ADAMTS19: variants seen among roughly 807,000 people sequenced by gnomAD.
ADAMTS19 encodes the protein A disintegrin and metalloproteinase with thrombospondin motifs 19.
In ADAMTS19, 93 loss-of-function variants were observed where a neutral mutation model predicts 153.3. The observed-to-expected ratio is 0.61, with a 90% CI of 0.51 to 0.72. The LOEUF is 0.72. Ranked by LOEUF, ADAMTS19 falls within the 30% of genes least tolerant of loss-of-function variation. The pLI is 0.00. For missense variants in ADAMTS19, 1,482 were observed against 1,552.1 expected (o/e 0.95, Z 0.76); for synonymous variants, 600 against 556.6 (o/e 1.08, Z -1.10).
rs187719397 is a variant in ADAMTS19 at position 129,600,923 on chromosome 5, G to A, written c.1478+4259G>A. On this transcript the variant is annotated intron_variant, in intron 8 of 22. Coordinates refer to ENST00000274487, the MANE Select transcript of ADAMTS19 (RefSeq NM_133638.6). ...CTCCCTCTGTAGCCCAGGCTGGAGT[G>A]CAGTGGCTCGATCTCTGCTCACTGC... Among the ~76,000 whole-genome samples, 449 of 152,146 alleles carry A rather than the reference G, an allele frequency of 3.0e-3. 8 individuals are homozygous for A. Among genetic ancestry groups the A allele is most frequent in the Middle Eastern group, 0.017 (5 of 294 alleles).
rs768067850 is a variant in ADAMTS19 at position 129,658,735 on chromosome 5, C to T, written c.2423C>T (p.Ala808Val). 3 of 1,597,894 alleles carry T rather than the reference C, an allele frequency of 1.9e-6. No homozygotes were observed. Among genetic ancestry groups the T allele is most frequent in the Middle Eastern group, 1.7e-4 (1 of 5,994 alleles). The change falls in exon 15 of 23, where the codon GCA becomes GTA. Residue 808 changes from alanine (A) to valine (V), a missense_variant and splice_region_variant. Transcript: ENST00000274487. ...IKGDFNHTRG[A>V]GYVEVLVIPA... ...GGGGATTTTAATCACACCAGAGGAG[C>T]AGGTAATTTTTCTTTATTTTTTCAT...
At chr5:129,472,059 G>A (rs1750085893) in intron 2 of ADAMTS19, among the ~76,000 whole-genome samples, 1 of 152,184 alleles carries the variant, frequency 6.6e-6, no homozygotes, top group Non-Finnish European at 1.5e-5. Context: ...ATTGCTTTGG[G>A]TATATACCCA....
intron 2 of ADAMTS19, among the ~76,000 whole-genome samples, chr5:129,483,285 A>C (rs180864393): frequency 2.5e-3 from 374 of 152,276 alleles, no homozygotes; most frequent in African/African-American, 8.1e-3. Context: ...AATCTCTCTG[A>C]GTCTCTGTTG....
At chr5:129,721,687 T>G (rs1442933406) in intron 21 of ADAMTS19, among the ~76,000 whole-genome samples, 2 of 152,162 alleles carry the variant, frequency 1.3e-5, no homozygotes, top group African/African-American at 4.8e-5. Flanking sequence ...TTGCTGTACC[T>G]TTCAACCTGT....
intron 6 of ADAMTS19, among the ~76,000 whole-genome samples, chr5:129,537,179 T>G (rs1752468708): frequency 6.6e-6 from 1 of 152,078 alleles, no homozygotes; most frequent in African/African-American, 2.4e-5. Flanking sequence ...GAAAAAATGC[T>G]CATCATCGCT....
At chr5:129,598,863 T>A (rs1199914567) in intron 8 of ADAMTS19, among the ~76,000 whole-genome samples, 1 of 152,212 alleles carries the variant, frequency 6.6e-6, no homozygotes. Flanking sequence ...CAGTTGGTCT[T>A]GTGGAACTCA....
chr5:129,534,727 G>A (rs1752350064), intron 6 of ADAMTS19, among the ~76,000 whole-genome samples: 1 of 152,126 alleles, frequency 6.6e-6, no homozygotes, highest in African/African-American at 2.4e-5. Context: ...TATCCACCAT[G>A]ATCAAGTGGG....
chr5:129,563,244 T>C (rs578127687), intron 7 of ADAMTS19, among the ~76,000 whole-genome samples: 24 of 152,178 alleles, frequency 1.6e-4, no homozygotes, highest in Admixed American at 7.2e-4. Flanking sequence ...ACCTCAACCA[T>C]AGAGAATTTC....
intron 16 of ADAMTS19, among the ~76,000 whole-genome samples, chr5:129,666,440 AT>A (rs966874950): frequency 4.6e-5 from 7 of 151,810 alleles, no homozygotes; most frequent in African/African-American, 1.2e-4. Flanking sequence ...TGTCCTCCCT[AT>A]TTTTTTTCTT....
In ADAMTS19 at chr5:129,701,585, G is replaced by C; in HGVS notation, c.3152G>C (p.Trp1051Ser). 1.9e-6 allele frequency: 3 copies of C among 1,614,112 alleles called. No homozygotes were observed. Among genetic ancestry groups the C allele is most frequent in the Non-Finnish European group, 2.5e-6 (3 of 1,180,004 alleles). ...DCMTVWEAGV[W>S]SECSVKCGKG... Reference sequence around the variant, plus strand: ...ATGACCGTGTGGGAGGCGGGAGTGTGGTCTGAGGTGCATACATGCCCCCTT... The same window carrying C: ...ATGACCGTGTGGGAGGCGGGAGTGTCGTCTGAGGTGCATACATGCCCCCTT... The change falls in exon 20 of 23, where the codon TGG becomes TCG. Residue 1051 changes from tryptophan to serine, a missense_variant. Physicochemically the swap from Trp to Ser is radical, Grantham distance 177. Coordinates refer to ENST00000274487, the MANE Select transcript of ADAMTS19 (RefSeq NM_133638.6).
intron 10 of ADAMTS19, among the ~76,000 whole-genome samples, chr5:129,631,040 C>A (rs988605458): frequency 2.0e-5 from 3 of 151,592 alleles, no homozygotes; most frequent in African/African-American, 4.8e-5. Context: ...TTTGCATATA[C>A]ATTGCAATGT....
rs191900266 is a variant in ADAMTS19 at position 129,688,759 on chromosome 5, G to A, written c.2818+4486G>A. 1.2e-3 allele frequency among the ~76,000 whole-genome samples: 185 copies of A among 152,190 alleles called. 2 individuals carry two copies. The highest frequency in any genetic ancestry group is 3.2e-4 in the Non-Finnish European group (22 of 67,978). ...AATATTTGAATTGACATATCATTTTGTATTTTAACATCAGTCATTAAAACT... is the reference window on the plus strand; with the variant it reads ...AATATTTGAATTGACATATCATTTTATATTTTAACATCAGTCATTAAAACT... On this transcript the variant is annotated intron_variant, in intron 18 of 22. Transcript: ENST00000274487.
intron 22 of ADAMTS19, among the ~76,000 whole-genome samples, chr5:129,735,402 C>G (rs7717013): frequency 0.022 from 3,317 of 152,084 alleles, 113 homozygotes; most frequent in African/African-American, 0.075. Context: ...TCGGATCAAT[C>G]TCATGGCAGA....
At chr5:129,631,160 G>GTTTTTTTTTTTTTTTTTTTTTTT (rs35770896) in intron 10 of ADAMTS19, among the ~76,000 whole-genome samples, 1 of 127,702 alleles carries the variant, frequency 7.8e-6, no homozygotes, top group African/African-American at 2.9e-5. Flanking sequence ...AAAATTTTAG[G>GTTTTTTTTTTTTTTTTTTTTTTT]TTTTTTTTTT....
intron 7 of ADAMTS19, among the ~76,000 whole-genome samples, chr5:129,573,698 T>G (rs1462549402): frequency 6.6e-6 from 1 of 152,106 alleles, no homozygotes; most frequent in Non-Finnish European, 1.5e-5. Context: ...ATTGGACACT[T>G]TATATTTCTA....
chr5:129,531,585 A>G (rs1752207055), intron 6 of ADAMTS19, among the ~76,000 whole-genome samples: 1 of 152,194 alleles, frequency 6.6e-6, no homozygotes, highest in Admixed American at 6.5e-5. Flanking sequence ...AGATTGCGCT[A>G]CTGCACGCCA....
At chr5:129,626,803 G>A (rs1752071639) in intron 10 of ADAMTS19, among the ~76,000 whole-genome samples, 1 of 152,082 alleles carries the variant, frequency 6.6e-6, no homozygotes, top group South Asian at 2.1e-4. Context: ...GGAAATATAA[G>A]CAAATGCATA....
At chr5:129,624,097 G>A (rs1192106673) in intron 10 of ADAMTS19, among the ~76,000 whole-genome samples, 24 of 136,008 alleles carry the variant, frequency 1.8e-4, no homozygotes, top group Admixed American at 7.1e-4. Flanking sequence ...ACTGCACTCC[G>A]GCCTGGACTA....
chr5:129,502,956 T>C (rs1214040937), intron 2 of ADAMTS19, among the ~76,000 whole-genome samples: 1 of 152,148 alleles, frequency 6.6e-6, no homozygotes, highest in African/African-American at 2.4e-5. Flanking sequence ...AGGCAGTGGT[T>C]ACTTTGGAGA....
Sources: gnomAD v4.1 joint callset for allele counts (sites outside exome capture counted in the v4.1 genomes callset) on GRCh38, gnomAD v4.1.1 for gene constraint, MANE v1.5 for transcripts, NCBI Gene and HGNC (gene_info 2026-07-23, HGNC 2026-07-21) for gene names.